EVL: variants seen among roughly 807,000 people sequenced by gnomAD.
The protein encoded by EVL is Enah/Vasp-like.
In EVL, 21 loss-of-function variants were observed where a neutral mutation model predicts 59.6. That is an observed-to-expected ratio of 0.35 (90% CI 0.25 to 0.51). The LOEUF is 0.51. Among genes scored for constraint, EVL ranks in the 20% least tolerant of loss-of-function variants. EVL has a pLI of 0.97. For missense variants in EVL, 462 were observed against 546.6 expected (o/e 0.85, Z 1.54); for synonymous variants, 198 against 203.5 (o/e 0.97, Z 0.23).
chr14:100,113,349 G>A (rs945783004), intron 3 of EVL, among the ~76,000 whole-genome samples: 1 of 152,174 alleles, frequency 6.6e-6, no homozygotes. Context: ...GTGAGAGCCA[G>A]GACTCAGATT....
At chr14:100,082,001 G>A (rs2062319656) in intron 1 of EVL, among the ~76,000 whole-genome samples, 1 of 152,210 alleles carries the variant, frequency 6.6e-6, no homozygotes, top group Non-Finnish European at 1.5e-5. Flanking sequence ...GTATGTGCCT[G>A]TAGTCCCAGC....
At chr14:100,004,930 TATTTA>T (rs1427861092) in intron 1 of EVL, among the ~76,000 whole-genome samples, 3 of 152,352 alleles carry the variant, frequency 2.0e-5, no homozygotes, top group Non-Finnish European at 2.9e-5. Flanking sequence ...AAATATCTGT[TATTTA>T]ATTTAACTTT....
intron 1 of EVL, chr14:100,066,620 A>G (rs980371829): frequency 6.6e-6 from 1 of 152,238 alleles, no homozygotes; most frequent in Non-Finnish European, 1.5e-5. Flanking sequence ...GTGGAGCTTT[A>G]GAAAACAGAA....
intron 1 of EVL, among the ~76,000 whole-genome samples, chr14:100,051,732 C>T (rs961052325): frequency 5.3e-5 from 8 of 152,196 alleles, no homozygotes; most frequent in Non-Finnish European, 8.8e-5. Context: ...CATGTTTATT[C>T]CTGGGGGTAC....
chr14:100,009,740 A>G (rs1233363030), intron 1 of EVL, among the ~76,000 whole-genome samples: 1 of 152,244 alleles, frequency 6.6e-6, no homozygotes, highest in Non-Finnish European at 1.5e-5. Context: ...ACATGTGCCT[A>G]AGGTGGTCAC....
chr14:100,084,933 C>T, intron 2 of EVL, 78 bp downstream of exon 2: 1 of 1,490,428 alleles, frequency 6.7e-7, no homozygotes, highest in Non-Finnish European at 9.2e-7. Context: ...ACACATGTAT[C>T]ATTAAGAGGT....
intron 9 of EVL, among the ~76,000 whole-genome samples, chr14:100,136,243 G>A (rs1307315017): frequency 2.6e-5 from 4 of 152,248 alleles, no homozygotes; most frequent in African/African-American, 9.6e-5. Flanking sequence ...ACGAGAGAAG[G>A]CACTTGCCTG....
In EVL at chr14:100,083,501, A is replaced by G. The variant is rs560382161; in HGVS notation, c.12-1186A>G. On this transcript the variant is annotated intron_variant, in intron 1 of 13. Transcript: ENST00000392920. ...CTTTTTTAAATTTGGGAATTCTAAT[A>G]TGCTAGAGAAGATGTTAAAGATTAT... Among the ~76,000 whole-genome samples the G allele has an allele frequency of 2.0e-5, 3 of 152,190 alleles. No homozygotes were observed. The Middle Eastern group carries it at 0.01, about 518-fold the overall frequency.
chr14:100,143,885 A>G lies in EVL; in HGVS notation c.*147A>G, dbSNP rs1889365088. The G allele has an allele frequency of 6.5e-6, 6 of 927,514 alleles. No homozygotes were observed. In the South Asian group the frequency reaches 8.7e-5, roughly 13 times the overall value. 57.5% of individuals were successfully genotyped at this position (927,514 alleles called of 1,614,324 possible). On this transcript the variant is annotated 3_prime_UTR_variant, in exon 14 of 14. Coordinates refer to ENST00000392920, the MANE Select transcript of EVL (RefSeq NM_016337.3). ...GAAACGTCCTGACCTGTGATCACAC[A>G]TGACAGTGAGGAAACCAAGTGCAAC...
intron 3 of EVL, among the ~76,000 whole-genome samples, chr14:100,103,021 GA>G (rs1200184002): frequency 6.7e-6 from 1 of 149,902 alleles, no homozygotes; most frequent in Non-Finnish European, 1.5e-5. Context: ...AGAATCGCTT[GA>G]ACCCGGAAGA....
chr14:100,054,025 T>A (rs2061687573), intron 1 of EVL, among the ~76,000 whole-genome samples: 1 of 151,536 alleles, frequency 6.6e-6, no homozygotes, highest in African/African-American at 2.4e-5. Flanking sequence ...TCAATCATAT[T>A]TTTTGCATTT....
rs112069862 is a variant in EVL, at chr14:100,130,841, A to G, written c.839+1157A>G. Among the ~76,000 whole-genome samples, 8 of 152,332 alleles carry G rather than the reference A, an allele frequency of 5.3e-5. 1 individual carries two copies. Among genetic ancestry groups the G allele is most frequent in the African/African-American group, 1.4e-4 (6 of 41,576 alleles). On this transcript the variant is annotated intron_variant, in intron 7 of 13. Transcript: ENST00000392920. The surrounding 1 kb of genome is among the most constrained non-coding windows in gnomAD (Gnocchi z 4.8). ...CAGCACGGGCGTCTCCGGAGCCTCT[A>G]CTGGGCCTGGGCGTTTGTACATCGC... is the stretch of plus-strand genomic sequence containing the variant.
At chr14:100,134,310 T>C (rs1207067991) in intron 8 of EVL, among the ~76,000 whole-genome samples, 1 of 152,188 alleles carries the variant, frequency 6.6e-6, no homozygotes, top group African/African-American at 2.4e-5. Flanking sequence ...TATGTTGCAG[T>C]CCCAGCCCCT....
chr14:100,142,041 G>T, intron 13 of EVL: 1 of 384,940 alleles, frequency 2.6e-6, no homozygotes, highest in Non-Finnish European at 4.8e-6. Context: ...CACATCCCCG[G>T]CACCTTCCTG....
intron 2 of EVL, among the ~76,000 whole-genome samples, chr14:100,087,870 C>T (rs2062480671): frequency 6.6e-6 from 1 of 152,016 alleles, no homozygotes; most frequent in Non-Finnish European, 1.5e-5. Context: ...AGAAGGGCAT[C>T]CAAACTGGTG....
chr14:100,029,993 C>T (rs532988223), intron 1 of EVL, among the ~76,000 whole-genome samples: 20 of 152,196 alleles, frequency 1.3e-4, no homozygotes, highest in African/African-American at 4.8e-4. Flanking sequence ...TTCTTATCAC[C>T]TTGAGCAATT....
upstream of EVL, chr14:100,065,267 G>T (rs1484818287): frequency 3.8e-6 from 1 of 264,580 alleles, no homozygotes; most frequent in Non-Finnish European, 6.9e-6. Flanking sequence ...CCACGCTGGT[G>T]GGGCTCTGCA....
intron 1 of EVL, among the ~76,000 whole-genome samples, chr14:100,047,116 C>CT (rs1158933445): frequency 2.8e-4 from 8 of 28,418 alleles, no homozygotes; most frequent in African/African-American, 7.3e-4. Flanking sequence ...AGATCTCTCT[C>CT]TCTTTTTTTT....
chr14:100,091,083 G>A (rs1052794651), intron 2 of EVL, among the ~76,000 whole-genome samples: 5 of 152,074 alleles, frequency 3.3e-5, no homozygotes, highest in African/African-American at 4.8e-5. Context: ...AGTTTTCATC[G>A]ACGCTTCCTA....
Sources: gnomAD v4.1 joint callset for allele counts (sites outside exome capture counted in the v4.1 genomes callset) on GRCh38, gnomAD v4.1.1 for gene constraint, Gnocchi (gnomAD v3.1) non-coding constraint, MANE v1.5 for transcripts, NCBI Gene and HGNC (gene_info 2026-07-23, HGNC 2026-07-21) for gene names.